The following DYNC2I1 variants were observed in gnomAD, a reference collection of about 807,000 sequenced individuals.
The protein encoded by DYNC2I1 is cytoplasmic dynein 2 intermediate chain 1.
DYNC2I1 carries 89 observed loss-of-function variants against 133.4 expected under a neutral mutation model. The observed-to-expected ratio is 0.67, with a 90% CI of 0.56 to 0.80. DYNC2I1 has a LOEUF of 0.80. Among genes scored for constraint, DYNC2I1 ranks in the 30% least tolerant of loss-of-function variants. DYNC2I1 has a pLI of 0.00. For synonymous variants in DYNC2I1, 504 were observed against 484.3 expected (o/e 1.04, Z -0.54); for missense variants, 1,291 against 1,314.5 (o/e 0.98, Z 0.28).
At chr7:158,952,085 G>A (rs950139532) in intron 4 of DYNC2I1, among the ~76,000 whole-genome samples, 1 of 152,218 alleles carries the variant, frequency 6.6e-6, no homozygotes, top group African/African-American at 2.4e-5. Context: ...CAAGGTCGCG[G>A]TGGAAATCCA....
chr7:158,928,769 AC>A (rs1469076837), intron 20 of DYNC2I1, among the ~76,000 whole-genome samples: 1 of 111,780 alleles, frequency 8.9e-6, no homozygotes, highest in African/African-American at 2.9e-5. Flanking sequence ...ATGGGGCGAG[AC>A]CCACATAGTC....
intron 11 of DYNC2I1, among the ~76,000 whole-genome samples, chr7:158,910,988 C>T (rs1291311734): frequency 2.0e-5 from 2 of 100,472 alleles, no homozygotes; most frequent in Admixed American, 1.1e-4. Flanking sequence ...GTGGGAGGAG[C>T]GCGAATGGCT....
rs1323051730 is a variant in DYNC2I1, at chr7:158,869,887, T to A, written c.48T>A (p.Asp16Glu). Residue 16 changes from aspartate to glutamate, a missense_variant, in exon 2 of 25, where the codon GAT (aspartate) becomes GAA (glutamate). By Grantham distance (45) the Asp-to-Glu change is conservative. Transcript: ENST00000407559. ...CCAAAGATGATACCTGGAAAGCAGATGACCTCAGAAAACATCTCTGGGTAA... is the reference window on the plus strand; with the variant it reads ...CCAAAGATGATACCTGGAAAGCAGAAGACCTCAGAAAACATCTCTGGGTAA... The part of the protein sequence containing the change: ...RRTKDDTWKA[D>E]DLRKHLWAIQ... 6.2e-7 allele frequency: 1 copy of A among 1,613,584 alleles called. No homozygotes were observed. The highest frequency in any genetic ancestry group is 2.2e-5 in the East Asian group (1 of 44,886).
rs769152068 is a variant in DYNC2I1, at chr7:158,945,637, C to A, written c.3059C>A (p.Ala1020Asp). 7 of 1,611,554 alleles carry A rather than the reference C, an allele frequency of 4.3e-6. No homozygotes were observed. The Admixed American group carries it at 1.2e-4, about 27-fold the overall frequency. The change falls in exon 25 of 25, where the codon GCC becomes GAC. Residue 1020 changes from alanine (A) to aspartate (D), a missense_variant. Physicochemically the swap from Ala to Asp is moderately radical, Grantham distance 126. Transcript: ENST00000407559. The surrounding 1 kb of genome is among the most constrained non-coding windows in gnomAD (Gnocchi z 4.1). ...EPEKAGGSFL[A>D]LVLARASGSI... ...GAGAAGGCTGGTGGCAGCTTCCTGGCCCTGGTGCTGGCCAGGGCGTCTGGC... is the reference window on the plus strand; with the variant it reads ...GAGAAGGCTGGTGGCAGCTTCCTGGACCTGGTGCTGGCCAGGGCGTCTGGC...
chr7:158,905,954 GT>G (rs1563143704), intron 10 of DYNC2I1, 34 bp from the exon 11 acceptor site: 1 of 1,545,348 alleles, frequency 6.5e-7, no homozygotes, highest in Non-Finnish European at 8.9e-7. Context: ...ACATATTTCC[GT>G]GTTGGAAAAA....
chr7:158,850,627 C>A, the DYNC2I1 span, among the ~76,000 whole-genome samples: 1 of 152,306 alleles, frequency 6.6e-6, no homozygotes, highest in South Asian at 2.1e-4. Context: ...CGGGACAAAT[C>A]CTCCACTTCA....
At position 158,953,233 on chromosome 7, in the gene DYNC2I1, T is replaced by TGCTCCTAC. The variant is rs1450033223; in HGVS notation, c.*57-3349_*57-3342dup. Among the ~76,000 whole-genome samples, 3 of 145,074 alleles carry TGCTCCTAC rather than the reference T, an allele frequency of 2.1e-5. No homozygotes were observed. The Admixed American group carries it at 2.1e-4, about 10-fold the overall frequency. On this transcript the variant is annotated intron_variant and NMD_transcript_variant, in intron 4 of 4. Coordinates refer to the DYNC2I1 transcript ENST00000454771. ...GACACTGAGATGACCCACATGTGGC[T>TGCTCCTAC]GCTCCTACCCTCCTCGCCCTCCTCT...
chr7:158,873,596 T>C (rs998832354), intron 3 of DYNC2I1, among the ~76,000 whole-genome samples: 1 of 152,254 alleles, frequency 6.6e-6, no homozygotes, highest in Non-Finnish European at 1.5e-5. Flanking sequence ...TTTTGTTTTC[T>C]TTAAAAATAT....
intron 14 of DYNC2I1, among the ~76,000 whole-genome samples, chr7:158,915,745 G>A (rs1429384793): frequency 6.8e-6 from 1 of 147,970 alleles, no homozygotes; most frequent in Admixed American, 6.6e-5. Flanking sequence ...TGACATTAAG[G>A]ATGATTGTGA....
the DYNC2I1 span, among the ~76,000 whole-genome samples, chr7:158,842,689 G>A: frequency 5.6e-4 from 86 of 152,360 alleles, no homozygotes; most frequent in African/African-American, 1.9e-3. Context: ...TCATAGTGAC[G>A]TGTCTGACAC....
chr7:158,953,249 G>A (rs568219070), intron 4 of DYNC2I1, among the ~76,000 whole-genome samples: 3 of 147,658 alleles, frequency 2.0e-5, no homozygotes, highest in African/African-American at 5.0e-5. Context: ...TACCCTCCTC[G>A]CCCTCCTCTC....
Position 158,916,086 on chromosome 7 carries a change from G to GGAT in DYNC2I1, c.1791+1766_1791+1768dup, listed in dbSNP as rs200745126. 7.9e-4 allele frequency among the ~76,000 whole-genome samples: 59 copies of GGAT among 74,726 alleles called. 9 individuals carry two copies. Among genetic ancestry groups the GGAT allele is most frequent in the Admixed American group, 1.7e-3 (13 of 7,556 alleles). The allele number at this position is 74,726 out of a possible 152,430, so 49.0% of individuals were successfully genotyped here. A position where few individuals can be genotyped will look rare whatever the true frequency, so the allele number is the denominator to read the frequency against. ...ACGTTGACACGCTGGTTGAGATTAA[G>GGAT]GATTGTGAAACGTCGACACGCTGGT... On this transcript the variant is annotated intron_variant, in intron 14 of 24. Coordinates refer to ENST00000407559, the MANE Select transcript of DYNC2I1 (RefSeq NM_018051.5).
intron 23 of DYNC2I1, among the ~76,000 whole-genome samples, chr7:158,939,096 C>T (rs952523770): frequency 2.6e-5 from 4 of 151,886 alleles, no homozygotes; most frequent in Non-Finnish European, 5.9e-5. Flanking sequence ...TTTTTATTTC[C>T]TTATTTGTAT....
rs376875017 is a variant in DYNC2I1 at position 158,926,483 on chromosome 7, G to A, written c.2433+20G>A. The A allele has an allele frequency of 9.1e-5, 147 of 1,608,762 alleles. 1 individual carries two copies. Among genetic ancestry groups the A allele is most frequent in the Admixed American group, 2.0e-4 (12 of 59,272 alleles). On this transcript the variant is annotated intron_variant, in intron 19 of 24. Coordinates refer to ENST00000407559, the MANE Select transcript of DYNC2I1 (RefSeq NM_018051.5). ...GTATGGGTGAGTAGTGGCCCAGGCC[G>A]GGCACATGCGGGGCCTGAGTGAGGT...
downstream of DYNC2I1, among the ~76,000 whole-genome samples, chr7:158,947,134 G>C (rs956670815): frequency 2.6e-5 from 4 of 152,230 alleles, no homozygotes; most frequent in African/African-American, 9.6e-5. Context: ...CAAATGGCTG[G>C]AATTTGTTCA....
At position 158,945,663 on chromosome 7, in the gene DYNC2I1, T is replaced by G; in HGVS notation, c.3085T>G (p.Ser1029Ala). The G allele has an allele frequency of 1.2e-6, 2 of 1,612,682 alleles. No individual in the cohort carries two copies. The change falls in exon 25 of 25, where the codon TCC becomes GCC. Residue 1029 changes from serine to alanine, a missense_variant. Ser to Ala is a moderately conservative substitution (Grantham distance 99). Transcript: ENST00000407559. This position sits in a 1 kb window ranked among gnomAD's most constrained non-coding sequence, Gnocchi z 4.1. ...LALVLARASG[S>A]IDIQHLKRRW... ...CCTGGTGCTGGCCAGGGCGTCTGGC[T>G]CCATCGACATCCAGCACCTGAAGAG...
At chr7:158,856,323 G>A (rs1371720020), upstream of DYNC2I1, among the ~76,000 whole-genome samples, 2 of 152,208 alleles carry the variant, frequency 1.3e-5, no homozygotes, top group Non-Finnish European at 2.9e-5. Flanking sequence ...GTGGGAACCC[G>A]GGGCGGGTTG....
At chr7:158,860,462 T>A (rs766066798) in intron 1 of DYNC2I1, among the ~76,000 whole-genome samples, 1 of 152,242 alleles carries the variant, frequency 6.6e-6, no homozygotes, top group Non-Finnish European at 1.5e-5. Context: ...TTTTATGTTC[T>A]TTATTTGTAC....
intron 20 of DYNC2I1, among the ~76,000 whole-genome samples, chr7:158,928,703 G>A (rs554090407): frequency 3.5e-4 from 54 of 152,192 alleles, no homozygotes; most frequent in African/African-American, 1.2e-3. Flanking sequence ...AGGGAGCCTG[G>A]GCAGGGGTCC....
Sources: gnomAD v4.1 joint callset for allele counts (sites outside exome capture counted in the v4.1 genomes callset) on GRCh38, gnomAD v4.1.1 for gene constraint, Gnocchi (gnomAD v3.1) non-coding constraint, MANE v1.5 for transcripts, NCBI Gene and HGNC (gene_info 2026-07-23, HGNC 2026-07-21) for gene names.